Variants in LMO7 observed in about 807,000 individuals in gnomAD.
The protein encoded by LMO7 is LIM domain 7.
In LMO7, 120 loss-of-function variants were observed where a neutral mutation model predicts 206.5. The ratio of observed to expected loss-of-function variants is 0.58; its 90% CI spans 0.50 to 0.68. The LOEUF is 0.68. Among genes scored for constraint, LMO7 ranks in the 30% least tolerant of loss-of-function variants. The probability of loss-of-function intolerance (pLI) is 0.00; values close to 1 mark genes in which losing one functional copy is unlikely to be tolerated. For synonymous variants in LMO7, 706 were observed against 681.5 expected, an observed-to-expected ratio of 1.04 and a Z score of -0.56; for missense variants, 1,959 against 1,957.9, an observed-to-expected ratio of 1.00 and a Z score of -0.01.
intron 1 of LMO7, among the ~76,000 whole-genome samples, chr13:75,709,938 C>G (rs1483528944): frequency 6.6e-6 from 1 of 152,186 alleles, no homozygotes; most frequent in African/African-American, 2.4e-5. Context: ...TTAGGTCTAA[C>G]ATTTAAGTCT....
chr13:75,823,637 C>A lies in LMO7; in HGVS notation c.2713C>A (p.Pro905Thr), dbSNP rs138944909. 1 of 1,614,032 alleles carries A rather than the reference C, an allele frequency of 6.2e-7. No individual in the cohort carries two copies. Among genetic ancestry groups the A allele is most frequent in the Non-Finnish European group, 8.5e-7 (1 of 1,179,950 alleles). Residue 905 changes from proline to threonine, a missense_variant, in exon 15 of 31, where the codon CCT becomes ACT. Physicochemically the swap from Pro to Thr is conservative, Grantham distance 38 (BLOSUM62 -1). Coordinates refer to ENST00000377534, the MANE Select transcript of LMO7 (RefSeq NM_001306080.2). ...AACTCCAAACAATGTGGTCAGCACC[C>A]CTGCACCAAGCCCGGACGCAAGCCA... The part of the protein sequence containing the change: ...KRTPNNVVST[P>T]APSPDASQLA...
At chr13:75,810,530 T>A (rs552978950) in intron 11 of LMO7, among the ~76,000 whole-genome samples, 25 of 152,248 alleles carry the variant, frequency 1.6e-4, no homozygotes, top group Non-Finnish European at 3.4e-4. Context: ...AGGCACATTA[T>A]CCGCTTTCCA....
chr13:75,776,132 T>C (rs1458829977), intron 4 of LMO7, among the ~76,000 whole-genome samples: 5 of 128,144 alleles, frequency 3.9e-5, no homozygotes, highest in Admixed American at 8.2e-5. Flanking sequence ...CATACATATA[T>C]ATATATATAT....
At chr13:75,701,206 C>G (rs2067941093) in intron 1 of LMO7, among the ~76,000 whole-genome samples, 1 of 151,666 alleles carries the variant, frequency 6.6e-6, no homozygotes, top group Non-Finnish European at 1.5e-5. Flanking sequence ...AGATGGACTT[C>G]GTTGTTGTTG....
In LMO7 at chr13:75,776,432, A is replaced by G. The variant is rs199527434; in HGVS notation, c.317+15394A>G. Among the ~76,000 whole-genome samples the G allele has an allele frequency of 2.3e-4, 35 of 151,504 alleles. No homozygotes were observed. In the East Asian group the frequency reaches 6.3e-3, roughly 27 times the overall value. On this transcript the variant is annotated intron_variant, in intron 4 of 30. Coordinates refer to ENST00000377534, the MANE Select transcript of LMO7 (RefSeq NM_001306080.2). ...ACAATCTCGTGTTTGATCCCTTTTT[A>G]TACTCTATTGAAACTGTAAGAAGAA... is the stretch of plus-strand genomic sequence containing the variant.
At chr13:75,756,035 G>A (rs1013944316) in intron 3 of LMO7, among the ~76,000 whole-genome samples, 1 of 152,200 alleles carries the variant, frequency 6.6e-6, no homozygotes. Flanking sequence ...TTCAGGCATA[G>A]ATTAAATTCA....
chr13:75,648,753 A>G (rs1052165514), intron 1 of LMO7, among the ~76,000 whole-genome samples: 2 of 152,202 alleles, frequency 1.3e-5, no homozygotes, highest in Admixed American at 6.5e-5. Flanking sequence ...GCACTTGTCA[A>G]TCTATCAAAA....
intron 4 of LMO7, among the ~76,000 whole-genome samples, chr13:75,771,207 T>C (rs1279889007): frequency 6.6e-6 from 1 of 152,088 alleles, no homozygotes; most frequent in East Asian, 1.9e-4. Context: ...TCTCAGATCA[T>C]TTATTTGATT....
At chr13:75,786,029 TTGTG>T (rs758082386) in intron 4 of LMO7, among the ~76,000 whole-genome samples, 12 of 152,146 alleles carry the variant, frequency 7.9e-5, no homozygotes, top group Non-Finnish European at 1.8e-4. Flanking sequence ...AATTTAGTAA[TTGTG>T]TGTGTGGCGT....
intron 4 of LMO7, among the ~76,000 whole-genome samples, chr13:75,775,553 A>G (rs557926866): frequency 3.2e-4 from 48 of 152,192 alleles, no homozygotes; most frequent in African/African-American, 1.1e-3. Context: ...ATGGGAGAAA[A>G]TATTTTCAAA....
intron 3 of LMO7, among the ~76,000 whole-genome samples, chr13:75,757,682 A>G (rs1256615871): frequency 4.6e-5 from 7 of 152,164 alleles, no homozygotes; most frequent in African/African-American, 1.7e-4. Flanking sequence ...CCTGCCTCTC[A>G]AAGGGCCAAT....
intron 3 of LMO7, among the ~76,000 whole-genome samples, chr13:75,758,887 T>G (rs1362619193): frequency 6.6e-6 from 1 of 152,224 alleles, no homozygotes; most frequent in African/African-American, 2.4e-5. Context: ...AATGGTTTGT[T>G]TTTCCTTTAT....
At chr13:75,715,220 CA>C (rs1207138581) in intron 2 of LMO7, among the ~76,000 whole-genome samples, 1 of 152,146 alleles carries the variant, frequency 6.6e-6, no homozygotes, top group Non-Finnish European at 1.5e-5. Flanking sequence ...AAGTGATTTC[CA>C]AAAGCTATAC....
At chr13:75,648,573 C>G (rs182148177) in intron 1 of LMO7, among the ~76,000 whole-genome samples, 1 of 152,316 alleles carries the variant, frequency 6.6e-6, no homozygotes, top group Admixed American at 6.5e-5. Flanking sequence ...CCGTCTTACT[C>G]ATTTTCTTGT....
chr13:75,791,982 T>C (rs1228025760), intron 4 of LMO7, among the ~76,000 whole-genome samples: 2 of 152,222 alleles, frequency 1.3e-5, no homozygotes, highest in East Asian at 3.9e-4. Context: ...CTCTTCCTTT[T>C]CTTGAGAGAG....
At chr13:75,760,872 T>G (rs1443123181) in intron 3 of LMO7, 60 bp from the exon 4 acceptor site, 1 of 1,600,810 alleles carries the variant, frequency 6.2e-7, no homozygotes. Context: ...TCATAAAAAT[T>G]TGTAACCTTT....
intron 1 of LMO7, among the ~76,000 whole-genome samples, chr13:75,677,133 A>C (rs551169332): frequency 6.6e-6 from 1 of 152,284 alleles, no homozygotes; most frequent in African/African-American, 2.4e-5. Context: ...CTGTGTATAC[A>C]TTAGCATTAG....
At chr13:75,694,116 A>G (rs1295508912) in intron 1 of LMO7, among the ~76,000 whole-genome samples, 3 of 152,256 alleles carry the variant, frequency 2.0e-5, no homozygotes, top group African/African-American at 7.2e-5. Flanking sequence ...CCTGACCTCA[A>G]TAAAGTTTCA....
chr13:75,629,257 C>A (rs1373585957), intron 2 of LMO7, among the ~76,000 whole-genome samples: 1 of 152,084 alleles, frequency 6.6e-6, no homozygotes, highest in Non-Finnish European at 1.5e-5. Flanking sequence ...TTTATTAATT[C>A]TGTACATTAA....
Sources: gnomAD v4.1 joint callset for allele counts (sites outside exome capture counted in the v4.1 genomes callset) on GRCh38, gnomAD v4.1.1 for gene constraint, MANE v1.5 for transcripts, NCBI Gene and HGNC (gene_info 2026-07-23, HGNC 2026-07-21) for gene names.